DAGLA: variants seen among roughly 807,000 people sequenced by gnomAD.
DAGLA encodes the protein diacylglycerol lipase alpha.
A neutral mutation model predicts 102.6 loss-of-function variants in DAGLA; 22 were observed. The observed-to-expected ratio is 0.21, with a 90% CI of 0.15 to 0.31. The LOEUF (loss-of-function observed/expected upper bound fraction) is 0.31. DAGLA is among the 10% of genes least tolerant of loss of function. The pLI, the probability that DAGLA is intolerant of heterozygous loss-of-function variation, is 1.00. For missense variants in DAGLA, 927 were observed against 1,446.6 expected (o/e 0.64, Z 5.83); for synonymous variants, 578 against 628.9 (o/e 0.92, Z 1.21).
Position 61,734,765 on chromosome 11 carries a change from G to A in DAGLA, c.975-84G>A. 3 of 1,408,650 alleles carry A rather than the reference G, an allele frequency of 2.1e-6. No individual in the cohort carries two copies. Among genetic ancestry groups the A allele is most frequent in the East Asian group, 2.3e-5 (1 of 43,178 alleles). The allele number at this position is 1,408,650 out of a possible 1,614,324, so 87.3% of individuals were successfully genotyped here. On this transcript the variant is annotated intron_variant, in intron 9 of 19. Transcript: ENST00000257215. The surrounding 1 kb of genome is among the most constrained non-coding windows in gnomAD (Gnocchi z 4.2). ...GGCAGTGGGGCTGAATGCCCAACTG[G>A]AACTGGTTCCAGGGACAGTGGCAGG...
At chr11:61,737,991 G>T in intron 15 of DAGLA, 144 bp from the exon 16 acceptor site, 1 of 717,892 alleles carries the variant, frequency 1.4e-6, no homozygotes, top group Non-Finnish European at 2.4e-6. Flanking sequence ...CTGCTCTGTG[G>T]ACACCTCTCC....
intron 19 of DAGLA, among the ~76,000 whole-genome samples, chr11:61,742,732 T>C (rs2135613246): frequency 6.6e-6 from 1 of 152,122 alleles, no homozygotes; most frequent in East Asian, 1.9e-4. Context: ...TGTGCAGGGC[T>C]CTCTCCCTTC....
intron 19 of DAGLA, among the ~76,000 whole-genome samples, chr11:61,742,508 G>C (rs551896815): frequency 6.6e-6 from 1 of 152,176 alleles, no homozygotes; most frequent in Non-Finnish European, 1.5e-5. Flanking sequence ...TTCCGGCTGC[G>C]GTGACTGCTG....
rs1429106891 is a variant in DAGLA at position 61,684,990 on chromosome 11, C to T, written c.-45+4486C>T. 6.6e-6 allele frequency among the ~76,000 whole-genome samples: 1 copy of T among 152,060 alleles called. No homozygotes were observed. Among genetic ancestry groups the T allele is most frequent in the East Asian group, 1.9e-4 (1 of 5,192 alleles). On this transcript the variant is annotated intron_variant, in intron 1 of 19. Transcript: ENST00000257215. The surrounding 1 kb of genome is among the most constrained non-coding windows in gnomAD (Gnocchi z 4.5). Reference sequence around the variant, plus strand: ...CCTTAGAAGGAAGCTGGGCTGCAGGCGGGGCTCTCACACACCCTTCTGTGT... The same window carrying T: ...CCTTAGAAGGAAGCTGGGCTGCAGGTGGGGCTCTCACACACCCTTCTGTGT...
At chr11:61,717,247 C>A (rs764647710) in intron 1 of DAGLA, among the ~76,000 whole-genome samples, 1 of 152,104 alleles carries the variant, frequency 6.6e-6, no homozygotes, top group African/African-American at 2.4e-5. Context: ...TGTGATGGGC[C>A]GGGGTCTCTA....
intron 1 of DAGLA, among the ~76,000 whole-genome samples, chr11:61,691,541 C>T (rs977286485): frequency 1.3e-5 from 2 of 152,230 alleles, no homozygotes; most frequent in African/African-American, 4.8e-5. Flanking sequence ...GTGGGACCCC[C>T]CCCAACCCAA....
chr11:61,687,226 C>G (rs2064992572), intron 1 of DAGLA, among the ~76,000 whole-genome samples: 1 of 152,172 alleles, frequency 6.6e-6, no homozygotes, highest in Non-Finnish European at 1.5e-5. Context: ...GGGTTTGAAC[C>G]CAGGATGGGT....
At position 61,737,336 on chromosome 11, in the gene DAGLA, G is replaced by A. The variant is rs2065431906; in HGVS notation, c.1514+12G>A. ...GGGGGCCTGCTGAGGTGAGCCATCT[G>A]GGGCTTCAGAGTTGGCTGGGGCAGT... On this transcript the variant is annotated intron_variant, in intron 14 of 19. Transcript: ENST00000257215. 1.2e-6 allele frequency: 2 copies of A among 1,609,076 alleles called. No individual in the cohort carries two copies. Among genetic ancestry groups the A allele is most frequent in the African/African-American group, 1.3e-5 (1 of 74,950 alleles).
Position 61,731,325 on chromosome 11 carries a change from G to C in DAGLA, c.858G>C (p.Met286Ile). Residue 286 changes from methionine (M) to isoleucine (I), a missense_variant, in exon 9 of 20, where the codon ATG becomes ATC. Transcript: ENST00000257215. ...KYLDLKNSQE[M>I]LRYKEVCYYM... ...TGCCTCCTCTCTTCTAGCAAGAGAT[G>C]CTCCGCTACAAAGAGGTCTGCTACT... 1 of 1,613,894 alleles carries C rather than the reference G, an allele frequency of 6.2e-7. No homozygotes were observed.
At chr11:61,728,071 C>T in intron 6 of DAGLA, 82 bp from the exon 7 acceptor site, 1 of 1,534,162 alleles carries the variant, frequency 6.5e-7, no homozygotes, top group South Asian at 1.2e-5. Context: ...TGCAGCCTCC[C>T]AGCCCTGGGG....
At chr11:61,733,008 T>C (rs1377154400) in intron 9 of DAGLA, among the ~76,000 whole-genome samples, 2 of 152,254 alleles carry the variant, frequency 1.3e-5, no homozygotes, top group East Asian at 3.9e-4. Flanking sequence ...CATCACTGAC[T>C]CAGAGGCAGC....
chr11:61,719,321 G>A lies in DAGLA; in HGVS notation c.-44-791G>A, dbSNP rs962684514. On this transcript the variant is annotated intron_variant, in intron 1 of 19. Coordinates refer to ENST00000257215, the MANE Select transcript of DAGLA (RefSeq NM_006133.3). ...GGCTTGGGAGGTATGGTTGCCAGGA[G>A]GGGTGTGACCCTGCAGGGCTTACCC... Among the ~76,000 whole-genome samples the A allele has an allele frequency of 3.9e-5, 6 of 152,204 alleles. 1 individual carries two copies. In the South Asian group the frequency reaches 8.3e-4, roughly 21 times the overall value.
At chr11:61,742,776 CTCCCTCCCTTCCTCCT>C (rs2065491722) in intron 19 of DAGLA, among the ~76,000 whole-genome samples, 1 of 150,250 alleles carries the variant, frequency 6.7e-6, no homozygotes, top group Non-Finnish European at 1.5e-5. Context: ...CCCTCCCTCC[CTCCCTCCCTTCCTCCT>C]TCCCTCCCTC....
chr11:61,736,393 C>A, intron 13 of DAGLA, 43 bp downstream of exon 13: 1 of 1,498,404 alleles, frequency 6.7e-7, no homozygotes, highest in Non-Finnish European at 9.3e-7. Flanking sequence ...ACACCTGGGT[C>A]CCCCTCCTCC....
At chr11:61,701,507 G>T (rs755510960) in intron 1 of DAGLA, among the ~76,000 whole-genome samples, 2 of 152,240 alleles carry the variant, frequency 1.3e-5, no homozygotes, top group Non-Finnish European at 2.9e-5. Flanking sequence ...GCCGGGATTC[G>T]ATGAGCCCCC....
intron 1 of DAGLA, among the ~76,000 whole-genome samples, chr11:61,709,948 C>G (rs1004822492): frequency 6.6e-6 from 1 of 152,162 alleles, no homozygotes; most frequent in Admixed American, 6.5e-5. Flanking sequence ...GCACCCACAC[C>G]AGCCAGACCC....
chr11:61,717,648 A>G (rs939173736), intron 1 of DAGLA, among the ~76,000 whole-genome samples: 1 of 152,236 alleles, frequency 6.6e-6, no homozygotes, highest in Non-Finnish European at 1.5e-5. Flanking sequence ...GTTCAAAACC[A>G]GCCAGCCTGG....
At chr11:61,737,046 C>T (rs2065428847) in intron 13 of DAGLA, 136 bp from the exon 14 acceptor site, 3 of 1,216,736 alleles carry the variant, frequency 2.5e-6, no homozygotes, top group Admixed American at 1.9e-5. Context: ...GTTCTCTGTG[C>T]CCTAGCATTC....
chr11:61,738,121 C>T lies in DAGLA; in HGVS notation c.1584-14C>T, dbSNP rs765368934. ...CCAGGCCTGGCTGACGGCCCTGTCT[C>T]GTTCCCTCCCCAGGATTGGCCTCTC... On this transcript the variant is annotated splice_polypyrimidine_tract_variant and intron_variant, in intron 15 of 19. Transcript: ENST00000257215. 1.5e-5 allele frequency: 24 copies of T among 1,611,532 alleles called. 1 individual carries two copies. Among genetic ancestry groups the T allele is most frequent in the Middle Eastern group, 1.6e-4 (1 of 6,078 alleles).
Sources: gnomAD v4.1 joint callset for allele counts (sites outside exome capture counted in the v4.1 genomes callset) on GRCh38, gnomAD v4.1.1 for gene constraint, Gnocchi (gnomAD v3.1) non-coding constraint, MANE v1.5 for transcripts, NCBI Gene and HGNC (gene_info 2026-07-23, HGNC 2026-07-21) for gene names.